The following RPH3A variants were observed in gnomAD, a reference collection of about 807,000 sequenced individuals.
The protein encoded by RPH3A is rabphilin 3A.
In RPH3A, 48 loss-of-function variants were observed where a neutral mutation model predicts 102.2. The observed-to-expected ratio is 0.47, with a 90% confidence interval of 0.37 to 0.60. RPH3A has a LOEUF of 0.60. Ranked by LOEUF, RPH3A falls within the 20% of genes least tolerant of loss-of-function variation. The pLI is 0.00. For synonymous variants in RPH3A, 310 were observed against 324.3 expected (o/e 0.96, Z 0.47); for missense variants, 781 against 910.1 (o/e 0.86, Z 1.83).
At chr12:112,780,184 C>T (rs958821833) in intron 1 of RPH3A, among the ~76,000 whole-genome samples, 2 of 152,074 alleles carry the variant, frequency 1.3e-5, no homozygotes, top group South Asian at 2.1e-4. Flanking sequence ...TTTGGGGGCT[C>T]ATGTTGGCCT....
chr12:112,845,858 TGCAATGGAGAAAGTGAACCAGG>T (rs1240612390), intron 4 of RPH3A, among the ~76,000 whole-genome samples: 2 of 151,754 alleles, frequency 1.3e-5, no homozygotes, highest in African/African-American at 2.4e-5. Flanking sequence ...TAGAGATGGG[TGCAATGGAGAAAGTGAACCAGG>T]GCAATGAGAG....
Position 112,896,814 on chromosome 12 carries a change from GT to G in RPH3A, c.*35del. The G allele has an allele frequency of 6.2e-7, 1 of 1,612,050 alleles. No individual in the cohort carries two copies. Among genetic ancestry groups the G allele is most frequent in the Non-Finnish European group, 8.5e-7 (1 of 1,179,182 alleles). On this transcript the variant is annotated 3_prime_UTR_variant, in exon 22 of 22. Coordinates refer to ENST00000389385, the MANE Select transcript of RPH3A (RefSeq NM_001143854.2). ...CCAGGTCCCCATCTCCATGTCCCGG[GT>G]CCCCCCCAGCCTGCTCTAGCTGCCC...
chr12:112,735,465 A>G (rs1381430756), intron 1 of RPH3A, among the ~76,000 whole-genome samples: 2 of 152,250 alleles, frequency 1.3e-5, no homozygotes, highest in African/African-American at 4.8e-5. Context: ...AGCCTCTTCC[A>G]GATAAAAATG....
intron 1 of RPH3A, among the ~76,000 whole-genome samples, chr12:112,642,193 T>C (rs563904944): frequency 6.6e-6 from 1 of 152,334 alleles, no homozygotes; most frequent in African/African-American, 2.4e-5. Flanking sequence ...CTACCATTTA[T>C]TTCATGCCTA....
chr12:112,774,150 C>G (rs1048807111), intron 1 of RPH3A, among the ~76,000 whole-genome samples: 1 of 150,246 alleles, frequency 6.7e-6, no homozygotes, highest in African/African-American at 2.5e-5. Flanking sequence ...GACAAAGGAA[C>G]AAGCCATGCT....
chr12:112,722,226 G>T (rs961505000), intron 1 of RPH3A, among the ~76,000 whole-genome samples: 5 of 152,210 alleles, frequency 3.3e-5, no homozygotes, highest in African/African-American at 1.2e-4. Context: ...GATCACATGA[G>T]AATTGGTTAT....
rs1022831341 is a variant in RPH3A, at chr12:112,649,414, G to A, written c.-140+74095G>A. On this transcript the variant is annotated intron_variant, in intron 1 of 21. Transcript: ENST00000543106. The stretch of plus-strand genomic sequence containing the variant: ...GTAAGAATGAAATTTTTTTCCATAG[G>A]TCATCAGTTGGGTCAAAGATGGAGC... 2.0e-5 allele frequency: 3 copies of A among 152,144 alleles called. No homozygotes were observed. The East Asian group carries it at 5.8e-4, about 29-fold the overall frequency. 9.4% of individuals were successfully genotyped at this position (152,144 alleles called of 1,614,324 possible). A position where few individuals can be genotyped will look rare whatever the true frequency, so the allele number is the denominator to read the frequency against.
chr12:112,863,328 G>GT (rs1016522449), intron 5 of RPH3A, among the ~76,000 whole-genome samples: 12 of 152,092 alleles, frequency 7.9e-5, no homozygotes, highest in Admixed American at 3.3e-4. Context: ...TTTTGTTGTT[G>GT]TTTTTTTGAG....
In RPH3A at chr12:112,876,457, G is replaced by C. The variant is rs548191057; in HGVS notation, c.947-185G>C. ...CACCACTGATTTGTACCCCCACAAG[G>C]TCTGTTTTGCTTACATCTGAATCAG... On this transcript the variant is annotated intron_variant, in intron 12 of 21. Transcript: ENST00000389385. Among the ~76,000 whole-genome samples the C allele has an allele frequency of 2.6e-5, 4 of 152,240 alleles. No homozygotes were observed. The South Asian group carries it at 8.3e-4, about 32-fold the overall frequency.
At chr12:112,727,557 T>G (rs988062821) in intron 1 of RPH3A, among the ~76,000 whole-genome samples, 7 of 130,368 alleles carry the variant, frequency 5.4e-5, no homozygotes, top group Non-Finnish European at 1.6e-5. Flanking sequence ...ACCATGAGAC[T>G]TTTGCTGAAA....
At chr12:112,681,739 T>A (rs1386071050) in intron 1 of RPH3A, among the ~76,000 whole-genome samples, 1 of 152,156 alleles carries the variant, frequency 6.6e-6, no homozygotes, top group African/African-American at 2.4e-5. Context: ...GAGATAAAAA[T>A]GAAATCCTCT....
At chr12:112,895,425 G>A in intron 20 of RPH3A, 1 of 196,182 alleles carries the variant, frequency 5.1e-6, no homozygotes, top group South Asian at 1.4e-4. Flanking sequence ...TTATTCCTAA[G>A]CAATAAAAAA....
At chr12:112,876,972 A>G in intron 13 of RPH3A, 106 bp downstream of exon 13, 2 of 697,482 alleles carry the variant, frequency 2.9e-6, no homozygotes, top group Non-Finnish European at 4.6e-6. Flanking sequence ...CCAGACCCCT[A>G]ATATACCAGA....
chr12:112,888,328 A>C (rs1808532402), intron 17 of RPH3A, among the ~76,000 whole-genome samples: 1 of 152,250 alleles, frequency 6.6e-6, no homozygotes, highest in Non-Finnish European at 1.5e-5. Context: ...GTTGTGTTTT[A>C]AAAAATAACA....
intron 1 of RPH3A, among the ~76,000 whole-genome samples, chr12:112,668,228 A>C (rs894298063): frequency 1.3e-5 from 2 of 152,184 alleles, no homozygotes; most frequent in African/African-American, 4.8e-5. Flanking sequence ...TGCCTGTCCT[A>C]CAGGTGGCCC....
intron 4 of RPH3A, among the ~76,000 whole-genome samples, chr12:112,843,183 C>T (rs899789357): frequency 6.6e-6 from 1 of 152,324 alleles, no homozygotes; most frequent in South Asian, 2.1e-4. Context: ...TTGAGGCCCT[C>T]GTGCCCACAT....
intron 1 of RPH3A, among the ~76,000 whole-genome samples, chr12:112,608,687 C>T (rs1415776575): frequency 6.6e-6 from 1 of 152,202 alleles, no homozygotes; most frequent in African/African-American, 2.4e-5. Context: ...GCTTGAGCTT[C>T]TGTGTTAAAT....
chr12:112,732,125 T>A (rs928499663), intron 1 of RPH3A, among the ~76,000 whole-genome samples: 2 of 152,194 alleles, frequency 1.3e-5, no homozygotes, highest in Non-Finnish European at 2.9e-5. Flanking sequence ...GGCATGAACT[T>A]CAGTGTTCTC....
intron 1 of RPH3A, among the ~76,000 whole-genome samples, chr12:112,610,580 A>G (rs1432224593): frequency 4.0e-5 from 6 of 150,746 alleles, no homozygotes; most frequent in African/African-American, 1.5e-4. Flanking sequence ...GCAGTCCATT[A>G]TCTTATTTGA....
Sources: allele counts gnomAD v4.1 joint callset (sites outside exome capture counted in the v4.1 genomes callset), GRCh38; gene constraint gnomAD v4.1.1; transcripts MANE v1.5; gene names NCBI Gene and HGNC (gene_info 2026-07-23, HGNC 2026-07-21).